Variants in CNBD1 observed in about 807,000 individuals in gnomAD.
CNBD1 encodes cyclic nucleotide binding domain containing 1, also known as cyclic nucleotide-binding domain-containing protein 1.
Under a neutral mutation model 54.4 loss-of-function variants are expected in CNBD1, and 71 were observed. The ratio of observed to expected loss-of-function variants is 1.30; its 90% confidence interval spans 1.08 to 1.59. The LOEUF is 1.59. Ranked by LOEUF, CNBD1 falls within the 40% of genes most tolerant of loss-of-function variation. The pLI is 0.00. For synonymous variants in CNBD1, 182 were observed against 170.7 expected, an observed-to-expected ratio of 1.07 and a Z score of -0.51; for missense variants, 659 against 518.0, an observed-to-expected ratio of 1.27 and a Z score of -2.64.
At chr8:86,970,590 A>G (rs1327398867) in intron 4 of CNBD1, among the ~76,000 whole-genome samples, 1 of 150,116 alleles carries the variant, frequency 6.7e-6, no homozygotes, top group African/African-American at 2.4e-5. Flanking sequence ...TAGGTTTTCA[A>G]CCCTTCCCCT....
chr8:87,328,306 C>G (rs1264352117), intron 8 of CNBD1, among the ~76,000 whole-genome samples: 1 of 151,524 alleles, frequency 6.6e-6, no homozygotes, highest in Non-Finnish European at 1.5e-5. Context: ...TTTTTCTGGG[C>G]TTTTTATTAT....
chr8:87,270,451 G>C (rs1446629174), intron 6 of CNBD1, among the ~76,000 whole-genome samples: 2 of 151,722 alleles, frequency 1.3e-5, no homozygotes, highest in Non-Finnish European at 2.9e-5. Context: ...ATTATTAAAA[G>C]TCAACAAATA....
chr8:87,302,483 G>A (rs1287527289), intron 8 of CNBD1, among the ~76,000 whole-genome samples: 4 of 151,768 alleles, frequency 2.6e-5, no homozygotes, highest in East Asian at 1.9e-4. Context: ...TTGATGGGAC[G>A]TATCTCAAAA....
intron 4 of CNBD1, among the ~76,000 whole-genome samples, chr8:86,957,015 G>C (rs188188727): frequency 6.6e-6 from 1 of 152,164 alleles, no homozygotes. Flanking sequence ...TCAATACCTA[G>C]TTTATTGAGA....
intron 4 of CNBD1, among the ~76,000 whole-genome samples, chr8:87,085,365 G>T (rs924354798): frequency 6.6e-6 from 1 of 151,882 alleles, no homozygotes; most frequent in Non-Finnish European, 1.5e-5. Flanking sequence ...TAAGCTGATG[G>T]TATGTATAAG....
intron 6 of CNBD1, among the ~76,000 whole-genome samples, chr8:87,249,708 A>G (rs1004868593): frequency 2.6e-5 from 4 of 152,200 alleles, no homozygotes; most frequent in Admixed American, 2.6e-4. Flanking sequence ...TCTGTTAGCA[A>G]GCAAAACAGG....
chr8:87,046,482 T>C (rs1331488396), intron 4 of CNBD1, among the ~76,000 whole-genome samples: 2 of 152,076 alleles, frequency 1.3e-5, no homozygotes, highest in South Asian at 4.1e-4. Flanking sequence ...AGTTTAAAAA[T>C]AATAGGTCGG....
At chr8:87,121,876 T>A (rs1249438676) in intron 4 of CNBD1, among the ~76,000 whole-genome samples, 1 of 151,456 alleles carries the variant, frequency 6.6e-6, no homozygotes, top group Admixed American at 6.6e-5. Context: ...CTGTATAGTA[T>A]TGTGTGTGTG....
intron 6 of CNBD1, among the ~76,000 whole-genome samples, chr8:87,269,510 C>G (rs560275897): frequency 6.6e-6 from 1 of 151,968 alleles, no homozygotes; most frequent in Non-Finnish European, 1.5e-5. Context: ...TGCTTTGGGC[C>G]GTATGGCCAT....
chr8:87,384,272 G>T (rs1811142634), downstream of CNBD1, among the ~76,000 whole-genome samples: 1 of 151,942 alleles, frequency 6.6e-6, no homozygotes, highest in Admixed American at 6.6e-5. Flanking sequence ...GACATTTATT[G>T]AATATTCCAT....
At position 87,163,209 on chromosome 8, in the gene CNBD1, C is replaced by A. The variant is rs1402138056; in HGVS notation, c.432-42784C>A. On this transcript the variant is annotated intron_variant, in intron 4 of 10. Coordinates refer to ENST00000518476, the MANE Select transcript of CNBD1 (RefSeq NM_173538.3). This position sits in a 1 kb window ranked among gnomAD's most constrained non-coding sequence, Gnocchi z 4.5. ...CAATATTTTGGTATTAATAACATCT[C>A]ATTTCTGAGATAAGCTTTGTAACAT... 6.6e-6 allele frequency among the ~76,000 whole-genome samples: 1 copy of A among 152,008 alleles called. No homozygotes were observed. Among genetic ancestry groups the A allele is most frequent in the Non-Finnish European group, 1.5e-5 (1 of 67,978 alleles).
intron 4 of CNBD1, among the ~76,000 whole-genome samples, chr8:87,054,168 C>T (rs1430811268): frequency 6.6e-6 from 1 of 152,168 alleles, no homozygotes; most frequent in Non-Finnish European, 1.5e-5. Context: ...ATAAGTCTCC[C>T]CAGGGAAAAA....
chr8:86,918,471 TC>T (rs1184003992), intron 3 of CNBD1, among the ~76,000 whole-genome samples: 1 of 152,110 alleles, frequency 6.6e-6, no homozygotes, highest in Non-Finnish European at 1.5e-5. Context: ...GAATTGTAGC[TC>T]CCACAATTCC....
At chr8:87,123,989 AT>A (rs1811944321) in intron 4 of CNBD1, among the ~76,000 whole-genome samples, 1 of 151,752 alleles carries the variant, frequency 6.6e-6, no homozygotes, top group South Asian at 2.1e-4. Flanking sequence ...AGTAATAAGA[AT>A]TCTTCAATTA....
intron 2 of CNBD1, among the ~76,000 whole-genome samples, chr8:87,399,824 T>A (rs1249879159): frequency 6.6e-6 from 1 of 151,968 alleles, no homozygotes. Flanking sequence ...AGTATTTCAA[T>A]GTTTTAACTG....
Position 87,016,816 on chromosome 8 carries a change from G to T in CNBD1, c.431+77062G>T, listed in dbSNP as rs553916605. On this transcript the variant is annotated intron_variant, in intron 4 of 10. Coordinates refer to ENST00000518476, the MANE Select transcript of CNBD1 (RefSeq NM_173538.3). The stretch of plus-strand genomic sequence containing the variant: ...CCAGATAATGCCCATTATAAGGTCT[G>T]TTTGCCCTGAGAAGGGGATTGCCCA... Among the ~76,000 whole-genome samples, 379 of 152,270 alleles carry T rather than the reference G, an allele frequency of 2.5e-3. 6 individuals are homozygous for T. Among genetic ancestry groups the T allele is most frequent in the Non-Finnish European group, 3.2e-3 (219 of 68,036 alleles).
At chr8:86,940,132 C>CTTTTTTTTCTTTTTTT (rs1554632387) in intron 4 of CNBD1, among the ~76,000 whole-genome samples, 5 of 88,740 alleles carry the variant, frequency 5.6e-5, no homozygotes, top group African/African-American at 2.3e-4. Flanking sequence ...CCACATGTTA[C>CTTTTTTTTCTTTTTTT]TTTTTTTTTT....
intron 4 of CNBD1, among the ~76,000 whole-genome samples, chr8:87,152,462 A>G (rs1812625192): frequency 6.6e-6 from 1 of 152,060 alleles, no homozygotes; most frequent in African/African-American, 2.4e-5. Context: ...AAAAATCTCA[A>G]AAAAATCTCA....
intron 10 of CNBD1, among the ~76,000 whole-genome samples, chr8:87,355,821 C>T (rs962669771): frequency 6.6e-6 from 1 of 152,048 alleles, no homozygotes; most frequent in Non-Finnish European, 1.5e-5. Context: ...TTCCAAATTT[C>T]ATGTTGAAAC....
Sources: gnomAD v4.1 joint callset for allele counts (sites outside exome capture counted in the v4.1 genomes callset) on GRCh38, gnomAD v4.1.1 for gene constraint, Gnocchi (gnomAD v3.1) non-coding constraint, MANE v1.5 for transcripts, NCBI Gene and HGNC (gene_info 2026-07-23, HGNC 2026-07-21) for gene names.